RYK: variants seen among roughly 807,000 people sequenced by gnomAD.
RYK encodes receptor like tyrosine kinase, also known as inactive tyrosine-protein kinase RYK.
A neutral mutation model predicts 70.2 loss-of-function variants in RYK; 21 were observed. The ratio of observed to expected loss-of-function variants is 0.30; its 90% CI spans 0.21 to 0.43. RYK has a LOEUF of 0.43. Among genes scored for constraint, RYK ranks in the 20% least tolerant of loss-of-function variants. The probability of loss-of-function intolerance (pLI) is 1.00; values close to 1 mark genes in which losing one functional copy is unlikely to be tolerated. For missense variants in RYK, 604 were observed against 753.3 expected, an observed-to-expected ratio of 0.80 and a Z score of 2.32; for synonymous variants, 267 against 278.0, an observed-to-expected ratio of 0.96 and a Z score of 0.39.
chr3:134,192,914 G>A (rs1360479351), intron 7 of RYK, among the ~76,000 whole-genome samples: 2 of 152,126 alleles, frequency 1.3e-5, no homozygotes, highest in South Asian at 2.1e-4. Context: ...ATTCTACCTG[G>A]AGTTCTCTTA....
At position 134,239,911 on chromosome 3, in the gene RYK, T is replaced by C. The variant is rs1453378804; in HGVS notation, c.232+10512A>G. Among the ~76,000 whole-genome samples the C allele has an allele frequency of 1.3e-5, 2 of 152,074 alleles. 1 individual carries two copies. Among genetic ancestry groups the C allele is most frequent in the African/African-American group, 4.8e-5 (2 of 41,376 alleles). On this transcript the variant is annotated intron_variant, in intron 1 of 14. Coordinates refer to ENST00000623711, the MANE Select transcript of RYK (RefSeq NM_002958.4). ...GTTGAGATCTAGAAAGTACCAGCCA[T>C]GTAAAGATTTGGGGAAAGAACGCAA...
intron 1 of RYK, among the ~76,000 whole-genome samples, chr3:134,232,852 G>A (rs1480253988): frequency 6.6e-6 from 1 of 152,176 alleles, no homozygotes; most frequent in Non-Finnish European, 1.5e-5. Context: ...CTAGGCAAGG[G>A]GATCTGGAAT....
intron 13 of RYK, among the ~76,000 whole-genome samples, chr3:134,164,086 G>A (rs989074341): frequency 6.6e-6 from 1 of 152,076 alleles, no homozygotes; most frequent in Non-Finnish European, 1.5e-5. Context: ...TCCACCAGCC[G>A]TGGCCTCCCA....
chr3:134,243,447 C>T (rs979201179), intron 1 of RYK, among the ~76,000 whole-genome samples: 1 of 152,194 alleles, frequency 6.6e-6, no homozygotes, highest in African/African-American at 2.4e-5. Context: ...CCCTATAACC[C>T]AGACCTGACT....
intron 1 of RYK, among the ~76,000 whole-genome samples, chr3:134,247,272 A>T (rs537124125): frequency 5.3e-5 from 8 of 152,362 alleles, no homozygotes; most frequent in African/African-American, 1.9e-4. Flanking sequence ...TCAAAGACTT[A>T]TTCTACATTG....
intron 9 of RYK, among the ~76,000 whole-genome samples, chr3:134,187,509 T>G (rs1679692565): frequency 6.6e-6 from 1 of 152,304 alleles, no homozygotes. Flanking sequence ...TATCACATTT[T>G]TCTTTCTCTC....
intron 1 of RYK, among the ~76,000 whole-genome samples, chr3:134,229,245 CCT>C (rs2014990647): frequency 1.3e-5 from 2 of 151,828 alleles, no homozygotes; most frequent in African/African-American, 4.8e-5. Flanking sequence ...GCTCCCTCGC[CCT>C]CTCTCTTTTT....
In RYK at chr3:134,202,810, A is replaced by G; in HGVS notation, c.708T>C (p.Cys236=). 6.2e-7 allele frequency: 1 copy of G among 1,613,568 alleles called. No homozygotes were observed. The change falls in exon 6 of 15, where the codon TGT becomes TGC. Residue 236 remains cysteine (C), a synonymous_variant. Transcript: ENST00000623711. The part of the protein sequence containing the change: ...TRVFYISVGV[C]CAVIFLVAII... ...TTGCTACGAGAAATATTACTGCACA[A>G]CAAACCCCTACACTAATATAAAACA...
At chr3:134,223,554 T>C (rs1576529377) in intron 1 of RYK, among the ~76,000 whole-genome samples, 2 of 151,794 alleles carry the variant, frequency 1.3e-5, no homozygotes, top group East Asian at 3.9e-4. Context: ...TGAGCCTAGC[T>C]CATTGTTTAT....
Position 134,221,367 on chromosome 3 carries a change from G to A in RYK, c.354+1051C>T, listed in dbSNP as rs551561078. Among the ~76,000 whole-genome samples, 7 of 151,582 alleles carry A rather than the reference G, an allele frequency of 4.6e-5. No individual in the cohort carries two copies. In the East Asian group the frequency reaches 5.8e-4, roughly 13 times the overall value. ...ATACAGGTGTGTGCCACCACACCTCGCTAATTTTCGTATTTTTAGTAGAGA... is the reference window on the plus strand; with the variant it reads ...ATACAGGTGTGTGCCACCACACCTCACTAATTTTCGTATTTTTAGTAGAGA... On this transcript the variant is annotated intron_variant, in intron 2 of 14. Coordinates refer to ENST00000623711, the MANE Select transcript of RYK (RefSeq NM_002958.4).
intron 7 of RYK, 107 bp from the exon 8 acceptor site, chr3:134,192,081 T>TA: frequency 9.4e-7 from 1 of 1,062,560 alleles, no homozygotes; most frequent in Non-Finnish European, 1.4e-6. Flanking sequence ...GGAATGAGTG[T>TA]AAGAATCATA....
chr3:134,223,312 C>A (rs946526762), intron 1 of RYK, among the ~76,000 whole-genome samples: 1 of 152,190 alleles, frequency 6.6e-6, no homozygotes, highest in African/African-American at 2.4e-5. Context: ...ATCTTCCATA[C>A]GTATCAGGAT....
At chr3:134,188,413 C>T (rs939135433) in intron 9 of RYK, among the ~76,000 whole-genome samples, 6 of 152,008 alleles carry the variant, frequency 3.9e-5, no homozygotes, top group African/African-American at 1.5e-4. Flanking sequence ...CTGGCCACCT[C>T]GGCCTCCCAA....
At chr3:134,202,267 C>A (rs2014051104) in intron 6 of RYK, among the ~76,000 whole-genome samples, 1 of 152,206 alleles carries the variant, frequency 6.6e-6, no homozygotes, top group Non-Finnish European at 1.5e-5. Flanking sequence ...GACCCAAATA[C>A]CAGTATGTTT....
intron 13 of RYK, among the ~76,000 whole-genome samples, chr3:134,164,781 T>A (rs1231291661): frequency 1.3e-5 from 2 of 152,270 alleles, no homozygotes; most frequent in Non-Finnish European, 2.9e-5. Flanking sequence ...GGTACATACA[T>A]ATTTAACATT....
chr3:134,239,871 G>A (rs2015278794), intron 1 of RYK, among the ~76,000 whole-genome samples: 1 of 152,168 alleles, frequency 6.6e-6, no homozygotes, highest in Admixed American at 6.5e-5. Context: ...CCTCTCTGGG[G>A]AATTGACATT....
intron 2 of RYK, among the ~76,000 whole-genome samples, chr3:134,218,141 A>T (rs956725863): frequency 6.6e-6 from 1 of 152,226 alleles, no homozygotes; most frequent in African/African-American, 2.4e-5. Flanking sequence ...TATCTGAAAA[A>T]TCCCATTTGT....
intron 1 of RYK, among the ~76,000 whole-genome samples, chr3:134,246,230 GATTA>G (rs1294911864): frequency 1.3e-5 from 2 of 150,222 alleles, no homozygotes; most frequent in East Asian, 3.9e-4. Flanking sequence ...TAAGACATGA[GATTA>G]GTTAAGAAAA....
intron 9 of RYK, among the ~76,000 whole-genome samples, chr3:134,186,702 A>G (rs2013474883): frequency 6.6e-6 from 1 of 152,192 alleles, no homozygotes; most frequent in Non-Finnish European, 1.5e-5. Flanking sequence ...GAAACAGTCC[A>G]AGTATACTCA....
Sources: gnomAD v4.1 joint callset for allele counts (sites outside exome capture counted in the v4.1 genomes callset) on GRCh38, gnomAD v4.1.1 for gene constraint, MANE v1.5 for transcripts, NCBI Gene and HGNC (gene_info 2026-07-23, HGNC 2026-07-21) for gene names.